RGS6: variants seen among roughly 807,000 people sequenced by gnomAD.
RGS6 encodes regulator of G protein signaling 6.
A neutral mutation model predicts 78.5 loss-of-function variants in RGS6; 30 were observed. The ratio of observed to expected loss-of-function variants is 0.38; its 90% confidence interval spans 0.29 to 0.52. The LOEUF is 0.52. RGS6 is among the 20% of genes least tolerant of loss of function. The probability of loss-of-function intolerance (pLI) is 0.85; values close to 1 mark genes in which losing one functional copy is unlikely to be tolerated. For missense variants in RGS6, 495 were observed against 609.7 expected (o/e 0.81, Z 1.98); for synonymous variants, 206 against 206.0 (o/e 1.00, Z 0.00).
chr14:72,486,140 A>T (rs2096484888), intron 12 of RGS6, among the ~76,000 whole-genome samples: 1 of 152,092 alleles, frequency 6.6e-6, no homozygotes, highest in Admixed American at 6.6e-5. Context: ...TCCTGTCACC[A>T]TGTGAAGAAG....
At chr14:72,629,857 GA>G in the RGS6 span, 14 of 789,050 alleles carry the variant, frequency 1.8e-5, no homozygotes, top group Middle Eastern at 2.9e-4. Flanking sequence ...ATGACGTAGG[GA>G]AAAAAATGGG....
At chr14:72,392,001 A>T (rs1250849550) in intron 3 of RGS6, among the ~76,000 whole-genome samples, 2 of 151,990 alleles carry the variant, frequency 1.3e-5, no homozygotes, top group African/African-American at 2.4e-5. Flanking sequence ...TCTATTATTG[A>T]CGTTTAACAT....
At chr14:72,091,068 G>A (rs915998261) in intron 2 of RGS6, among the ~76,000 whole-genome samples, 3 of 152,160 alleles carry the variant, frequency 2.0e-5, no homozygotes, top group African/African-American at 7.2e-5. Context: ...AGTGGGGTGA[G>A]AAAGTCAGTA....
At chr14:72,167,501 C>T (rs908759273) in intron 2 of RGS6, among the ~76,000 whole-genome samples, 1 of 152,146 alleles carries the variant, frequency 6.6e-6, no homozygotes, top group African/African-American at 2.4e-5. Flanking sequence ...TCTTTGGAGA[C>T]CATCATAGAC....
rs544805274 is a variant in RGS6, at chr14:71,969,722, T to C, written c.84+4847T>C. 4.0e-4 allele frequency among the ~76,000 whole-genome samples: 61 copies of C among 152,352 alleles called. 1 individual carries two copies. The highest frequency in any genetic ancestry group is 1.4e-3 in the African/African-American group (58 of 41,592). On this transcript the variant is annotated intron_variant, in intron 2 of 17. Transcript: ENST00000553525. ...AGAAAGAATTAAAAAATGAATTATA[T>C]GCACTCACCATTAGCTTAATAAATA... is the stretch of plus-strand genomic sequence containing the variant.
At chr14:72,603,062 G>T in the RGS6 span, among the ~76,000 whole-genome samples, 1 of 152,232 alleles carries the variant, frequency 6.6e-6, no homozygotes, top group Non-Finnish European at 1.5e-5. Flanking sequence ...ATCTGTGAAT[G>T]CCTGTTTAGG....
the RGS6 span, among the ~76,000 whole-genome samples, chr14:71,897,888 C>T: frequency 7.2e-5 from 11 of 151,816 alleles, 1 homozygote; most frequent in East Asian, 2.1e-3. Flanking sequence ...CTCACTTAAA[C>T]ATTTTTTTTT....
At chr14:71,895,350 A>AT in the RGS6 span, among the ~76,000 whole-genome samples, 278 of 148,128 alleles carry the variant, frequency 1.9e-3, 2 homozygotes, top group African/African-American at 5.0e-3. Context: ...CACCCAGCTA[A>AT]TTTTTTTTTT....
the RGS6 span, among the ~76,000 whole-genome samples, chr14:71,888,824 A>G: frequency 6.6e-6 from 1 of 152,214 alleles, no homozygotes; most frequent in Non-Finnish European, 1.5e-5. Context: ...TGGGTTGCTG[A>G]GGAGCTAAAA....
chr14:71,959,943 A>C (rs920050899), intron 1 of RGS6, among the ~76,000 whole-genome samples: 2 of 152,192 alleles, frequency 1.3e-5, no homozygotes, highest in Non-Finnish European at 2.9e-5. Context: ...TAGTAGCCTT[A>C]ATGAGGCTAG....
chr14:72,331,175 C>T (rs1277774073), intron 2 of RGS6, among the ~76,000 whole-genome samples: 1 of 150,682 alleles, frequency 6.6e-6, no homozygotes, highest in East Asian at 2.0e-4. Flanking sequence ...CCACCTGTTT[C>T]ATTTTCTCTT....
intron 2 of RGS6, among the ~76,000 whole-genome samples, chr14:72,273,416 A>G (rs2060231767): frequency 6.6e-6 from 1 of 151,944 alleles, no homozygotes; most frequent in African/African-American, 2.4e-5. Flanking sequence ...CTGTGTGGAA[A>G]GTTTCCAGCT....
At chr14:72,497,036 C>T (rs141740049) in intron 13 of RGS6, among the ~76,000 whole-genome samples, 23 of 152,110 alleles carry the variant, frequency 1.5e-4, no homozygotes, top group African/African-American at 5.3e-4. Context: ...TCCTTTTTTG[C>T]CACCATAAAC....
intron 2 of RGS6, among the ~76,000 whole-genome samples, chr14:72,305,331 A>G (rs1331654724): frequency 6.6e-6 from 1 of 152,138 alleles, no homozygotes; most frequent in East Asian, 1.9e-4. Flanking sequence ...CATCTTCTCC[A>G]GTCTGTGTAG....
intron 15 of RGS6, among the ~76,000 whole-genome samples, chr14:72,534,475 C>T (rs536654148): frequency 1.3e-5 from 2 of 152,338 alleles, no homozygotes; most frequent in African/African-American, 4.8e-5. Flanking sequence ...TGACTTATTT[C>T]ACTTAACCTA....
intron 3 of RGS6, among the ~76,000 whole-genome samples, chr14:72,422,782 C>T (rs754384272): frequency 6.6e-6 from 1 of 152,118 alleles, no homozygotes; most frequent in African/African-American, 2.4e-5. Context: ...AGTGGACTCG[C>T]TTATTAAGCC....
At chr14:72,599,487 C>G in the RGS6 span, among the ~76,000 whole-genome samples, 4 of 138,146 alleles carry the variant, frequency 2.9e-5, no homozygotes, top group Admixed American at 1.5e-4. Context: ...TGGCTCACTG[C>G]AAGCTCCGCC....
chr14:72,194,644 G>A lies in RGS6; in HGVS notation c.85-157451G>A, dbSNP rs189318391. Among the ~76,000 whole-genome samples, 336 of 152,286 alleles carry A rather than the reference G, an allele frequency of 2.2e-3. 1 individual carries two copies. The highest frequency in any genetic ancestry group is 3.7e-3 in the Non-Finnish European group (255 of 68,038). On this transcript the variant is annotated intron_variant, in intron 2 of 17. Coordinates refer to ENST00000553525, the MANE Select transcript of RGS6 (RefSeq NM_001204424.2). ...TCCAAAGTGCTGGGATTACAGGCGT[G>A]AGCTACTGTGCCCGGCCTGGTTTAC... is the stretch of plus-strand genomic sequence containing the variant.
At chr14:72,353,710 TGATGGCTCATGCCTG>T (rs2079595702) in intron 3 of RGS6, among the ~76,000 whole-genome samples, 1 of 152,212 alleles carries the variant, frequency 6.6e-6, no homozygotes, top group South Asian at 2.1e-4. Flanking sequence ...AGGCCAGGCA[TGATGGCTCATGCCTG>T]TAATCCCAGC....
Sources: gnomAD v4.1 joint callset for allele counts (sites outside exome capture counted in the v4.1 genomes callset) on GRCh38, gnomAD v4.1.1 for gene constraint, MANE v1.5 for transcripts, NCBI Gene and HGNC (gene_info 2026-07-23, HGNC 2026-07-21) for gene names.